The following LRP5 variants were observed in gnomAD, a reference collection of about 807,000 sequenced individuals.
The protein encoded by LRP5 is LDL receptor related protein 5, also known as low-density lipoprotein receptor-related protein 5.
Under a neutral mutation model 154.1 loss-of-function variants are expected in LRP5, and 62 were observed. That is an observed-to-expected ratio of 0.40 (90% confidence interval 0.33 to 0.50). The LOEUF is 0.50. Ranked by LOEUF, LRP5 falls within the 20% of genes least tolerant of loss-of-function variation. The probability of loss-of-function intolerance (pLI) is 0.55; values close to 1 mark genes in which losing one functional copy is unlikely to be tolerated. For missense variants in LRP5, 1,915 were observed against 2,336.7 expected (o/e 0.82, Z 3.72); for synonymous variants, 966 against 1,011.5 (o/e 0.96, Z 0.85).
At position 68,423,848 on chromosome 11, in the gene LRP5, T is replaced by A. The variant is rs1317207206; in HGVS notation, c.3236+151T>A. 2.9e-6 allele frequency: 2 copies of A among 699,142 alleles called. No individual in the cohort carries two copies. The highest frequency in any genetic ancestry group is 3.6e-5 in the African/African-American group (2 of 56,004). The allele number at this position is 699,142 out of a possible 1,614,324, so 43.3% of individuals were successfully genotyped here. A position where few individuals can be genotyped will look rare whatever the true frequency, so the allele number is the denominator to read the frequency against. On this transcript the variant is annotated intron_variant, in intron 14 of 22. Transcript: ENST00000294304. This position sits in a 1 kb window ranked among gnomAD's most constrained non-coding sequence, Gnocchi z 4.7. Reference sequence around the variant, plus strand: ...CAGGGTCCCAAAAGCAAACACAGGCTCTTTCACAGCCCCTCCAGGAAAGCA... The same window carrying A: ...CAGGGTCCCAAAAGCAAACACAGGCACTTTCACAGCCCCTCCAGGAAAGCA...
Position 68,372,454 on chromosome 11 carries a change from A to T in LRP5, c.1015+6752A>T, listed in dbSNP as rs314777. ...GGCGAGGAGGTGCAGCGTCAGGCGG[A>T]CCCGGGACCGTGGCGGCGAGGAGGT... On this transcript the variant is annotated intron_variant, in intron 5 of 22. Coordinates refer to ENST00000294304, the MANE Select transcript of LRP5 (RefSeq NM_002335.4). 5.8e-4 allele frequency among the ~76,000 whole-genome samples: 81 copies of T among 140,004 alleles called. 2 individuals carry two copies. The highest frequency in any genetic ancestry group is 1.3e-3 in the African/African-American group (44 of 34,686). 91.8% of individuals were successfully genotyped at this position (140,004 alleles called of 152,430 possible). A position where few individuals can be genotyped will look rare whatever the true frequency, so the allele number is the denominator to read the frequency against.
At chr11:68,406,468 C>G (rs1027438797) in intron 8 of LRP5, 56 bp from the exon 9 acceptor site, 1 of 1,579,708 alleles carries the variant, frequency 6.3e-7, no homozygotes, top group African/African-American at 1.3e-5. Flanking sequence ...TTGGCCGCAC[C>G]CCTTTCCCTG....
chr11:68,404,841 G>C, intron 8 of LRP5, among the ~76,000 whole-genome samples: 1 of 151,716 alleles, frequency 6.6e-6, no homozygotes, highest in Non-Finnish European at 1.5e-5. Flanking sequence ...GCGGTGGCAG[G>C]CGCCTGTAGT....
intron 21 of LRP5, among the ~76,000 whole-genome samples, chr11:68,442,371 C>T (rs1179655676): frequency 6.6e-6 from 1 of 152,200 alleles, no homozygotes; most frequent in Non-Finnish European, 1.5e-5. Flanking sequence ...AACTCCTGGG[C>T]TCAAGCGATT....
chr11:68,407,242 C>T (rs1381309179), intron 9 of LRP5, among the ~76,000 whole-genome samples: 1 of 150,940 alleles, frequency 6.6e-6, no homozygotes, highest in Non-Finnish European at 1.5e-5. Context: ...GAGCTCAGCT[C>T]ACTGCAACCT....
intron 7 of LRP5, among the ~76,000 whole-genome samples, chr11:68,397,813 C>T (rs976565320): frequency 4.6e-5 from 7 of 152,290 alleles, no homozygotes; most frequent in Non-Finnish European, 7.3e-5. Flanking sequence ...CCCCAAACCT[C>T]GTGCCCTTTG....
At chr11:68,357,610 ATC>A in intron 2 of LRP5, 38 bp from the exon 3 acceptor site, 1 of 1,587,674 alleles carries the variant, frequency 6.3e-7, no homozygotes, top group South Asian at 1.1e-5. Flanking sequence ...CAAAAAACAG[ATC>A]TGTGTTAGCT....
intron 5 of LRP5, among the ~76,000 whole-genome samples, chr11:68,382,440 C>T (rs569022475): frequency 1.3e-5 from 2 of 152,296 alleles, no homozygotes; most frequent in South Asian, 4.1e-4. Context: ...TCTCAGCAGG[C>T]CCCCCACACA....
chr11:68,433,796 G>A lies in LRP5; in HGVS notation c.3958G>A (p.Glu1320Lys), dbSNP rs748162115. 5.2e-5 allele frequency: 84 copies of A among 1,612,526 alleles called. No homozygotes were observed. In the South Asian group the frequency reaches 6.5e-4, roughly 12 times the overall value. Reference sequence around the variant, plus strand: ...GGACCTGCGCCTGCGCTGCGACGGCGAGGCAGACTGTCAGGACCGCTCAGA... The same window carrying A: ...GGACCTGCGCCTGCGCTGCGACGGCAAGGCAGACTGTCAGGACCGCTCAGA... ...CVDLRLRCDG[E>K]ADCQDRSDEA... The change falls in exon 18 of 23, where the codon GAG becomes AAG. Residue 1320 changes from glutamate to lysine, a missense_variant. Transcript: ENST00000294304.
At chr11:68,308,262 G>A (rs535621606), upstream of LRP5, among the ~76,000 whole-genome samples, 5 of 152,172 alleles carry the variant, frequency 3.3e-5, no homozygotes, top group Admixed American at 1.3e-4. Flanking sequence ...GGTTGGGGGG[G>A]GCTCTTGTGC....
At chr11:68,424,539 G>A (rs997258092) in intron 14 of LRP5, among the ~76,000 whole-genome samples, 6 of 152,248 alleles carry the variant, frequency 3.9e-5, no homozygotes, top group Admixed American at 1.3e-4. Context: ...CCAGGGCTCC[G>A]GGGTCCTTAG....
At chr11:68,389,137 A>AACATTTACCGACACCC (rs2098644678) in intron 6 of LRP5, among the ~76,000 whole-genome samples, 1 of 1,718 alleles carries the variant, frequency 5.8e-4, no homozygotes, top group Admixed American at 8.5e-3. Context: ...TACCGACACC[A>AACATTTACCGACACCC]ACATTTACCA....
At chr11:68,322,761 A>G (rs2098597424) in intron 1 of LRP5, among the ~76,000 whole-genome samples, 1 of 152,242 alleles carries the variant, frequency 6.6e-6, no homozygotes, top group Admixed American at 6.5e-5. Flanking sequence ...CTGCTGGAGC[A>G]TGAGCTCCCT....
chr11:68,399,292 G>T (rs1356515940), intron 7 of LRP5, among the ~76,000 whole-genome samples: 1 of 151,944 alleles, frequency 6.6e-6, no homozygotes, highest in Non-Finnish European at 1.5e-5. Context: ...GATGGCTTGA[G>T]CCCAGGAGTT....
chr11:68,357,501 G>A lies in LRP5; in HGVS notation c.489-149G>A, dbSNP rs1463756653. On this transcript the variant is annotated intron_variant, in intron 2 of 22. Coordinates refer to ENST00000294304, the MANE Select transcript of LRP5 (RefSeq NM_002335.4). ...ATTTTGATTGCCCAGCTTAAGGCAG[G>A]AATACCTGAAACCATACCTGTTGGT... 2.0e-5 allele frequency: 15 copies of A among 761,260 alleles called. No individual in the cohort carries two copies. The East Asian group carries it at 4.0e-4, about 20-fold the overall frequency. 47.2% of individuals were successfully genotyped at this position (761,260 alleles called of 1,614,324 possible).
At chr11:68,372,951 A>G (rs976743130) in intron 5 of LRP5, among the ~76,000 whole-genome samples, 5 of 151,878 alleles carry the variant, frequency 3.3e-5, no homozygotes, top group Admixed American at 6.6e-5. Flanking sequence ...GACTCTTAAG[A>G]CACATCCAGA....
At chr11:68,395,993 C>T (rs1446551368) in intron 7 of LRP5, among the ~76,000 whole-genome samples, 3 of 152,128 alleles carry the variant, frequency 2.0e-5, no homozygotes, top group Non-Finnish European at 2.9e-5. Flanking sequence ...GGACCCCCAT[C>T]TCACATGAGG....
chr11:68,325,293 A>G (rs2098599010), intron 1 of LRP5, among the ~76,000 whole-genome samples: 1 of 152,188 alleles, frequency 6.6e-6, no homozygotes, highest in East Asian at 1.9e-4. Context: ...TGAAAGGCAG[A>G]CGGGAATGCA....
intron 12 of LRP5, among the ~76,000 whole-genome samples, chr11:68,416,069 TAAATA>T (rs1224427678): frequency 6.6e-6 from 1 of 151,540 alleles, no homozygotes; most frequent in Non-Finnish European, 1.5e-5. Context: ...AAAAAATAAA[TAAATA>T]AAAGAAAAAT....
Sources: gnomAD v4.1 joint callset for allele counts (sites outside exome capture counted in the v4.1 genomes callset) on GRCh38, gnomAD v4.1.1 for gene constraint, Gnocchi (gnomAD v3.1) non-coding constraint, MANE v1.5 for transcripts, NCBI Gene and HGNC (gene_info 2026-07-23, HGNC 2026-07-21) for gene names.